Variants in ZNF846 observed in about 807,000 individuals in gnomAD.
ZNF846 encodes zinc finger protein 846, also known as zinc finger protein 420 pseudogene.
ZNF846 carries 15 observed loss-of-function variants against 16.0 expected under a neutral mutation model. The ratio of observed to expected loss-of-function variants is 0.94; its 90% confidence interval spans 0.63 to 1.45. The LOEUF (loss-of-function observed/expected upper bound fraction) is 1.45, where lower values mean the gene tolerates loss of function less well. Among genes scored for constraint, ZNF846 ranks in the 40% most tolerant of loss-of-function variants. The pLI, the probability that ZNF846 is intolerant of heterozygous loss-of-function variation, is 0.00. For synonymous variants in ZNF846, 229 were observed against 212.0 expected (o/e 1.08, Z -0.70); for missense variants, 714 against 622.3 (o/e 1.15, Z -1.57).
chr19:9,756,343 GTGTATATATATATATATATA>G (rs1391976997), downstream of ZNF846: 1 of 71,182 alleles, frequency 1.4e-5, no homozygotes, highest in Non-Finnish European at 2.5e-5. Context: ...GTGTGTGTGT[GTGTATATATATATATATATA>G]TATATATATA....
chr19:9,753,707 T>C (rs1286439268), downstream of ZNF846, among the ~76,000 whole-genome samples: 1 of 151,866 alleles, frequency 6.6e-6, no homozygotes, highest in Non-Finnish European at 1.5e-5. Flanking sequence ...ATAAAATGTA[T>C]TTGTGAATTT....
At chr19:9,758,224 T>C (rs1423347313) in exon 6 of ZNF846, 10 of 1,613,230 alleles carry the variant, frequency 6.2e-6, no homozygotes, top group Non-Finnish European at 8.5e-6. Context: ...CCACACTCTT[T>C]ACATTTATAT....
exon 1 of ZNF846, chr19:9,786,047 G>A (rs2045557158): frequency 6.6e-6 from 1 of 151,928 alleles, no homozygotes; most frequent in Non-Finnish European, 1.5e-5. Flanking sequence ...GGTTTCAGAA[G>A]GAACTGAGGG....
intron 1 of ZNF846, among the ~76,000 whole-genome samples, chr19:9,767,939 A>G (rs979831010): frequency 6.6e-6 from 1 of 152,128 alleles, no homozygotes; most frequent in Non-Finnish European, 1.5e-5. Context: ...GTCTCAAAAT[A>G]TGTATATATA....
chr19:9,763,458 T>C (rs770491620), intron 2 of ZNF846, 50 bp from the exon 3 acceptor site: 1 of 1,531,786 alleles, frequency 6.5e-7, no homozygotes, highest in Admixed American at 2.1e-5. Flanking sequence ...TCTCCTTTGA[T>C]GTTCTGAGAA....
At chr19:9,755,209 T>G (rs2045121554), downstream of ZNF846, among the ~76,000 whole-genome samples, 1 of 151,366 alleles carries the variant, frequency 6.6e-6, no homozygotes, top group South Asian at 2.1e-4. Context: ...CACTGTCCAG[T>G]CCTCACTCCT....
chr19:9,752,378 TGGGTGGATCACCTG>T, exon 6 of ZNF846: 1 of 315,280 alleles, frequency 3.2e-6, no homozygotes, highest in Admixed American at 3.3e-5. Flanking sequence ...GAGGCCAAGG[TGGGTGGATCACCTG>T]AAGTCAGGAG....
rs919105811 is a variant in ZNF846, at chr19:9,775,052, A to G, written c.-85-10017T>C. On this transcript the variant is annotated intron_variant, in intron 1 of 4. Transcript: ENST00000586814. ...AAAGCAGGACTCTGTGGAAATTGACACGTGCCACCGCCTGACATTCACTTG... is the reference window on the plus strand; with the variant it reads ...AAAGCAGGACTCTGTGGAAATTGACGCGTGCCACCGCCTGACATTCACTTG... The G allele has an allele frequency of 2.7e-6, 3 of 1,130,890 alleles. No individual in the cohort carries two copies. The African/African-American group carries it at 4.8e-5, about 18-fold the overall frequency. 70.1% of individuals were successfully genotyped at this position (1,130,890 alleles called of 1,614,324 possible). A position where few individuals can be genotyped will look rare whatever the true frequency, so the allele number is the denominator to read the frequency against.
At chr19:9,749,546 C>CTTTTTTT (rs60331343), downstream of ZNF846, among the ~76,000 whole-genome samples, 13 of 125,558 alleles carry the variant, frequency 1.0e-4, no homozygotes, top group South Asian at 2.5e-4. Flanking sequence ...ATAAGTCTTT[C>CTTTTTTT]TTTTTTTTTT....
chr19:9,777,007 G>T (rs1288895396), intron 1 of ZNF846, among the ~76,000 whole-genome samples: 1 of 151,878 alleles, frequency 6.6e-6, no homozygotes, highest in Non-Finnish European at 1.5e-5. Context: ...TCATCAAATG[G>T]TTGGCACAAT....
At position 9,765,004 on chromosome 19, in the gene ZNF846, A is replaced by C; in HGVS notation, c.-54T>G. The C allele has an allele frequency of 1.2e-6, 2 of 1,601,994 alleles. No homozygotes were observed. Among genetic ancestry groups the C allele is most frequent in the Non-Finnish European group, 8.6e-7 (1 of 1,169,048 alleles). ...GCCTTGGCTTCTCGATGTTCCTGTCATGAAGACAGAAAGTGTCCTGGAAAA... is the reference window on the plus strand; with the variant it reads ...GCCTTGGCTTCTCGATGTTCCTGTCCTGAAGACAGAAAGTGTCCTGGAAAA... On this transcript the variant is annotated 5_prime_UTR_variant, in exon 2 of 6. It removes an upstream start codon present in the reference 5' UTR. Transcript: ENST00000397902.
chr19:9,782,545 G>A (rs991728889), intron 1 of ZNF846, among the ~76,000 whole-genome samples: 5 of 152,150 alleles, frequency 3.3e-5, no homozygotes, highest in Non-Finnish European at 5.9e-5. Context: ...TTGCAGGCAT[G>A]AGTCACCATG....
chr19:9,765,009 G>C (rs984885936), exon 2 of ZNF846: 5 of 1,590,232 alleles, frequency 3.1e-6, no homozygotes, highest in Non-Finnish European at 4.3e-6. Flanking sequence ...CTGTCATGAA[G>C]ACAGAAAGTG....
chr19:9,780,456 AT>A (rs796564200), intron 1 of ZNF846, among the ~76,000 whole-genome samples: 55 of 147,910 alleles, frequency 3.7e-4, no homozygotes, highest in Middle Eastern at 3.5e-3. Flanking sequence ...TTACCTAGTG[AT>A]TTTTTTTTTT....
intron 1 of ZNF846, among the ~76,000 whole-genome samples, chr19:9,775,886 A>C (rs1369876709): frequency 2.6e-5 from 4 of 152,220 alleles, no homozygotes; most frequent in Non-Finnish European, 5.9e-5. Flanking sequence ...TTATATATGA[A>C]TATCATTAAT....
chr19:9,758,314 C>A (rs1472120068), exon 6 of ZNF846: 1 of 1,612,900 alleles, frequency 6.2e-7, no homozygotes, highest in South Asian at 1.1e-5. Context: ...TCTTTACAGA[C>A]ATAGGGCTTC....
intron 2 of ZNF846, 40 bp downstream of exon 2, chr19:9,764,896 C>G (rs2045289933): frequency 6.2e-7 from 1 of 1,612,290 alleles, no homozygotes; most frequent in South Asian, 1.1e-5. Context: ...ATGATGGCTA[C>G]AAGCATAACA....
exon 6 of ZNF846, chr19:9,758,234 T>C: frequency 1.9e-6 from 3 of 1,613,208 alleles, no homozygotes; most frequent in East Asian, 2.2e-5. Context: ...TACATTTATA[T>C]GGTTTTTCTC....
At position 9,762,186 on chromosome 19, in the gene ZNF846, C is replaced by T. The variant is rs764773160; in HGVS notation, c.143-18G>A. 4.4e-6 allele frequency: 7 copies of T among 1,605,562 alleles called. No individual in the cohort carries two copies. Among genetic ancestry groups the T allele is most frequent in the Middle Eastern group, 1.6e-4 (1 of 6,076 alleles). Reference sequence around the variant, plus strand: ...AGACCCTGCTGGAGGGAAAAATGCACAAAAGAAGAGGCCCATGCAAGACAT... The same window carrying T: ...AGACCCTGCTGGAGGGAAAAATGCATAAAAGAAGAGGCCCATGCAAGACAT... On this transcript the variant is annotated intron_variant, in intron 3 of 5. Transcript: ENST00000397902.
Sources: allele counts gnomAD v4.1 joint callset (sites outside exome capture counted in the v4.1 genomes callset), GRCh38; gene constraint gnomAD v4.1.1; transcripts MANE v1.5; gene names NCBI Gene and HGNC (gene_info 2026-07-23, HGNC 2026-07-21).